NMU: variants seen among roughly 807,000 people sequenced by gnomAD.
NMU encodes neuromedin-U.
NMU carries 29 observed loss-of-function variants against 35.4 expected under a neutral mutation model. That is an observed-to-expected ratio of 0.82 (90% confidence interval 0.61 to 1.12). The LOEUF (loss-of-function observed/expected upper bound fraction) is 1.12. NMU is among the 50% of genes most tolerant of loss of function. NMU has a pLI of 0.00. For synonymous variants in NMU, 78 were observed against 81.3 expected, an observed-to-expected ratio of 0.96 and a Z score of 0.22; for missense variants, 199 against 206.2, an observed-to-expected ratio of 0.97 and a Z score of 0.21.
chr4:55,630,540 C>T (rs1734713900), intron 1 of NMU, 80 bp from the exon 2 acceptor site: 1 of 1,116,402 alleles, frequency 9.0e-7, no homozygotes. Flanking sequence ...TTCTTTCTCG[C>T]ACACTTTCTT....
In NMU at chr4:55,636,292, C is replaced by G; in HGVS notation, c.-100G>C. 7.4e-7 allele frequency: 1 copy of G among 1,359,550 alleles called. No homozygotes were observed. Among genetic ancestry groups the G allele is most frequent in the Non-Finnish European group, 9.4e-7 (1 of 1,060,842 alleles). The allele number at this position is 1,359,550 out of a possible 1,614,324, so 84.2% of individuals were successfully genotyped here. ...CTGGCTGTGCCTCGGGGCCCGGACA[C>G]AGGACTGAGCGCCCGGCGAGCCGCC... On this transcript the variant is annotated 5_prime_UTR_variant, in exon 1 of 10. Coordinates refer to ENST00000264218, the MANE Select transcript of NMU (RefSeq NM_006681.4). The surrounding 1 kb of genome is among the most constrained non-coding windows in gnomAD (Gnocchi z 4.0).
intron 1 of NMU, among the ~76,000 whole-genome samples, 157 bp from the exon 2 acceptor site, chr4:55,630,617 C>T (rs990276792): frequency 6.6e-6 from 1 of 152,118 alleles, no homozygotes; most frequent in South Asian, 2.1e-4. Flanking sequence ...TACAAGGAGA[C>T]ATAATTACTA....
At chr4:55,628,806 T>G (rs1166751253) in intron 2 of NMU, among the ~76,000 whole-genome samples, 1 of 152,058 alleles carries the variant, frequency 6.6e-6, no homozygotes, top group Non-Finnish European at 1.5e-5. Context: ...ATTATTTACT[T>G]CATTCCTGTT....
At chr4:55,598,107 T>G (rs1045292063) in intron 9 of NMU, among the ~76,000 whole-genome samples, 3 of 147,244 alleles carry the variant, frequency 2.0e-5, no homozygotes, top group African/African-American at 7.4e-5. Flanking sequence ...TTTTTTTTTT[T>G]TTTGTGAGAT....
chr4:55,616,362 A>G lies in NMU; in HGVS notation c.195T>C (p.Phe65=), dbSNP rs773648540. 6.2e-7 allele frequency: 1 copy of G among 1,612,308 alleles called. No homozygotes were observed. The change falls in exon 3 of 10, where the codon TTT becomes TTC. Residue 65 remains phenylalanine, a synonymous_variant. Transcript: ENST00000264218. ...WNEIDDTCSS[F]LSIDSQPQAS... is the part of the protein sequence containing the mutation. ...CCTGAGGCTGAGAATCAATGGACAG[A>G]AAAGACGAACAAGTATCATCTATCT...
Position 55,619,270 on chromosome 4 carries a change from G to A in NMU, c.172-2885C>T, listed in dbSNP as rs1198341278. ...CTGAGGTACCGGGTTCATCTCACTA[G>A]GGAGTGCCAGACAGTGGGCGCAGGC... is the stretch of plus-strand genomic sequence containing the variant. On this transcript the variant is annotated intron_variant, in intron 2 of 9. Coordinates refer to ENST00000264218, the MANE Select transcript of NMU (RefSeq NM_006681.4). Among the ~76,000 whole-genome samples, 4 of 148,508 alleles carry A rather than the reference G, an allele frequency of 2.7e-5. No homozygotes were observed. In the East Asian group the frequency reaches 8.1e-4, roughly 30 times the overall value.
intron 4 of NMU, 23 bp downstream of exon 4, chr4:55,609,097 A>G: frequency 1.9e-6 from 3 of 1,605,628 alleles, no homozygotes; most frequent in Non-Finnish European, 2.6e-6. Flanking sequence ...TTGTCTACAA[A>G]CAAAACACTA....
At chr4:55,598,595 T>TA in intron 9 of NMU, among the ~76,000 whole-genome samples, 2 of 152,316 alleles carry the variant, frequency 1.3e-5, no homozygotes, top group South Asian at 4.1e-4. Context: ...TGTCCAGCAC[T>TA]GAGGTAGAAA....
chr4:55,604,012 T>TATAC (rs1275667846), intron 7 of NMU, among the ~76,000 whole-genome samples: 351 of 2,242 alleles, frequency 0.16, 11 homozygotes, highest in African/African-American at 0.22. Flanking sequence ...TATATGTATA[T>TATAC]ATGTGTATAT....
At chr4:55,628,332 G>A (rs1452048587) in intron 2 of NMU, among the ~76,000 whole-genome samples, 1 of 151,594 alleles carries the variant, frequency 6.6e-6, no homozygotes, top group South Asian at 2.1e-4. Flanking sequence ...ATTTTTCTTG[G>A]GTTCTACCCT....
chr4:55,619,255 G>A (rs1489924406), intron 2 of NMU, among the ~76,000 whole-genome samples: 94 of 149,202 alleles, frequency 6.3e-4, no homozygotes, highest in Admixed American at 1.7e-3. Flanking sequence ...CTGAGGTACC[G>A]GGTTCATCTC....
At chr4:55,609,014 C>A in intron 4 of NMU, 106 bp downstream of exon 4, 1 of 908,422 alleles carries the variant, frequency 1.1e-6, no homozygotes, top group Non-Finnish European at 1.8e-6. Context: ...CCTCTTCTAA[C>A]CTGTCTTGGC....
intron 8 of NMU, 34 bp downstream of exon 8, chr4:55,600,488 A>C (rs764342007): frequency 7.3e-7 from 1 of 1,368,082 alleles, no homozygotes; most frequent in Non-Finnish European, 1.0e-6. Context: ...ATTTTGGTGT[A>C]GATTGATTTT....
intron 2 of NMU, among the ~76,000 whole-genome samples, chr4:55,629,178 TTCTG>T (rs1433597223): frequency 6.6e-6 from 1 of 152,232 alleles, no homozygotes; most frequent in East Asian, 1.9e-4. Flanking sequence ...GACTCTTCCT[TTCTG>T]TCTAACACAT....
intron 2 of NMU, among the ~76,000 whole-genome samples, chr4:55,618,701 TC>T (rs1734218163): frequency 3.0e-5 from 4 of 134,534 alleles, no homozygotes; most frequent in African/African-American, 1.2e-4. Flanking sequence ...TTCTCTCTCT[TC>T]TTTCTTTTTC....
chr4:55,612,896 T>C (rs1733992090), intron 3 of NMU, among the ~76,000 whole-genome samples: 1 of 152,332 alleles, frequency 6.6e-6, no homozygotes, highest in Admixed American at 6.5e-5. Flanking sequence ...AAGATAATAG[T>C]ATATGTGAAA....
chr4:55,600,379 G>A, intron 8 of NMU, 143 bp downstream of exon 8: 1 of 640,252 alleles, frequency 1.6e-6, no homozygotes, highest in East Asian at 2.8e-5. Flanking sequence ...GGTGGTGACA[G>A]AAGTGAATGT....
intron 1 of NMU, among the ~76,000 whole-genome samples, chr4:55,633,213 T>C (rs1158860510): frequency 6.6e-6 from 1 of 151,562 alleles, no homozygotes; most frequent in Non-Finnish European, 1.5e-5. Context: ...TAGTCCCAGC[T>C]ATTCGGGAGG....
At chr4:55,614,117 A>G (rs1384385148) in intron 3 of NMU, among the ~76,000 whole-genome samples, 1 of 152,038 alleles carries the variant, frequency 6.6e-6, no homozygotes, top group Non-Finnish European at 1.5e-5. Flanking sequence ...AATTTCTTTC[A>G]TTTCTTTCCT....
Sources: allele counts gnomAD v4.1 joint callset (sites outside exome capture counted in the v4.1 genomes callset), GRCh38; gene constraint gnomAD v4.1.1; non-coding constraint Gnocchi (gnomAD v3.1); transcripts MANE v1.5; gene names NCBI Gene and HGNC (gene_info 2026-07-23, HGNC 2026-07-21).